Variants in SPOCK1 observed in about 807,000 individuals in gnomAD.
The protein encoded by SPOCK1 is SPARC (osteonectin), cwcv and kazal like domains proteoglycan 1.
Under a neutral mutation model 55.3 loss-of-function variants are expected in SPOCK1, and 23 were observed. The ratio of observed to expected loss-of-function variants is 0.42; its 90% confidence interval spans 0.30 to 0.59. The LOEUF is 0.59. Ranked by LOEUF, SPOCK1 falls within the 20% of genes least tolerant of loss-of-function variation. The probability of loss-of-function intolerance (pLI) is 0.22; values close to 1 mark genes in which losing one functional copy is unlikely to be tolerated. For synonymous variants in SPOCK1, 226 were observed against 221.0 expected, an observed-to-expected ratio of 1.02 and a Z score of -0.20; for missense variants, 499 against 552.5, an observed-to-expected ratio of 0.90 and a Z score of 0.97.
At chr5:136,995,625 T>C (rs1434796953) in intron 6 of SPOCK1, among the ~76,000 whole-genome samples, 1 of 152,254 alleles carries the variant, frequency 6.6e-6, no homozygotes, top group Non-Finnish European at 1.5e-5. Flanking sequence ...AAATGTTCTC[T>C]GAACAGAGAA....
intron 7 of SPOCK1, chr5:136,988,936 A>G (rs1475273404): frequency 4.0e-6 from 1 of 251,196 alleles, no homozygotes; most frequent in African/African-American, 2.2e-5. Context: ...TTTGCTTAAA[A>G]TGGGGTGTGC....
At chr5:137,300,670 A>G (rs1467749273) in intron 2 of SPOCK1, among the ~76,000 whole-genome samples, 1 of 148,172 alleles carries the variant, frequency 6.7e-6, no homozygotes, top group African/African-American at 2.5e-5. Flanking sequence ...AGGGCCGCCA[A>G]TAACTTGGGT....
At chr5:137,415,934 C>T (rs1233158696) in intron 2 of SPOCK1, among the ~76,000 whole-genome samples, 1 of 151,966 alleles carries the variant, frequency 6.6e-6, no homozygotes, top group East Asian at 1.9e-4. Context: ...AAACTGTAAA[C>T]CCACAGATCC....
At chr5:137,295,406 C>T (rs190964727) in intron 2 of SPOCK1, among the ~76,000 whole-genome samples, 44 of 152,306 alleles carry the variant, frequency 2.9e-4, no homozygotes, top group African/African-American at 9.4e-4. Flanking sequence ...CAGCACAGAG[C>T]TAATATTCCC....
intron 2 of SPOCK1, among the ~76,000 whole-genome samples, chr5:137,467,674 C>T (rs550914865): frequency 7.6e-4 from 116 of 152,070 alleles, no homozygotes; most frequent in Non-Finnish European, 1.4e-3. Flanking sequence ...CAGGCTGAGA[C>T]CAAAAGGATG....
chr5:137,197,262 C>T (rs1755319427), intron 3 of SPOCK1, among the ~76,000 whole-genome samples: 3 of 152,120 alleles, frequency 2.0e-5, no homozygotes, highest in Admixed American at 2.0e-4. Flanking sequence ...AAGCTGCTGG[C>T]ACCTGCTTGT....
chr5:137,167,555 C>T (rs1754672883), intron 3 of SPOCK1, among the ~76,000 whole-genome samples: 1 of 151,842 alleles, frequency 6.6e-6, no homozygotes, highest in Non-Finnish European at 1.5e-5. Flanking sequence ...CAAGGATGGA[C>T]CTTTTTTGTT....
intron 6 of SPOCK1, among the ~76,000 whole-genome samples, chr5:137,008,207 G>A (rs530394242): frequency 1.4e-4 from 22 of 151,816 alleles, no homozygotes; most frequent in African/African-American, 4.8e-4. Context: ...GTTGATGGGT[G>A]CAGCAAACCA....
chr5:137,156,190 C>G (rs1318565299), intron 3 of SPOCK1, among the ~76,000 whole-genome samples: 1 of 151,980 alleles, frequency 6.6e-6, no homozygotes, highest in Non-Finnish European at 1.5e-5. Context: ...TGGGGAGGGC[C>G]CATAGCAATA....
chr5:137,175,811 C>T (rs564436107), intron 3 of SPOCK1, among the ~76,000 whole-genome samples: 1 of 152,278 alleles, frequency 6.6e-6, no homozygotes, highest in South Asian at 2.1e-4. Context: ...CACCAATCTC[C>T]ACCACCATCC....
chr5:137,171,732 C>A (rs1580789084), intron 3 of SPOCK1, among the ~76,000 whole-genome samples: 1 of 152,228 alleles, frequency 6.6e-6, no homozygotes, highest in South Asian at 2.1e-4. Flanking sequence ...GTTTTTTGAC[C>A]TGCAGAACTC....
chr5:137,381,912 T>C (rs1751479745), intron 2 of SPOCK1, among the ~76,000 whole-genome samples: 1 of 152,252 alleles, frequency 6.6e-6, no homozygotes. Flanking sequence ...GGGTTTTTTG[T>C]TTCTACCACA....
At chr5:137,368,768 C>G (rs957070891) in intron 2 of SPOCK1, among the ~76,000 whole-genome samples, 1 of 152,214 alleles carries the variant, frequency 6.6e-6, no homozygotes, top group African/African-American at 2.4e-5. Context: ...TCCACATCTC[C>G]CATGTGTCTC....
At position 137,494,704 on chromosome 5, in the gene SPOCK1, T is replaced by C. The variant is rs114462748; in HGVS notation, c.186+3669A>G. On this transcript the variant is annotated intron_variant, in intron 2 of 10. Transcript: ENST00000394945. ...ACAGCATAAGTTAAAGAATTTCCTCTAGCAGACAAGAGGTTACATGAAAGA... is the reference window on the plus strand; with the variant it reads ...ACAGCATAAGTTAAAGAATTTCCTCCAGCAGACAAGAGGTTACATGAAAGA... Among the ~76,000 whole-genome samples the C allele has an allele frequency of 7.9e-3, 1,208 of 152,376 alleles. 13 individuals are homozygous for C. The highest frequency in any genetic ancestry group is 0.027 in the African/African-American group (1,130 of 41,590).
intron 2 of SPOCK1, among the ~76,000 whole-genome samples, chr5:137,311,319 G>A (rs1357754643): frequency 1.3e-5 from 2 of 152,186 alleles, no homozygotes; most frequent in Admixed American, 1.3e-4. Context: ...GGGTGGGAAG[G>A]AGGGTGACTG....
intron 5 of SPOCK1, among the ~76,000 whole-genome samples, chr5:137,089,253 G>A (rs553075759): frequency 1.1e-3 from 163 of 152,188 alleles, no homozygotes; most frequent in African/African-American, 3.7e-3. Context: ...AAAACAAAAC[G>A]ACAACAACAA....
At chr5:137,084,439 T>C (rs1290149182) in intron 5 of SPOCK1, among the ~76,000 whole-genome samples, 1 of 151,948 alleles carries the variant, frequency 6.6e-6, no homozygotes, top group Non-Finnish European at 1.5e-5. Context: ...CCTGCCAGAC[T>C]GAGCTCCAGG....
chr5:137,129,745 T>C (rs1005157876), intron 4 of SPOCK1, among the ~76,000 whole-genome samples: 1 of 152,064 alleles, frequency 6.6e-6, no homozygotes, highest in Non-Finnish European at 1.5e-5. Flanking sequence ...GAGCAATAGA[T>C]AGAATAGGGA....
chr5:137,021,240 T>C (rs1273248261), intron 6 of SPOCK1, among the ~76,000 whole-genome samples: 1 of 152,208 alleles, frequency 6.6e-6, no homozygotes, highest in Non-Finnish European at 1.5e-5. Context: ...GCAGCATAGA[T>C]AAATTTTGGG....
Sources: gnomAD v4.1 joint callset for allele counts (sites outside exome capture counted in the v4.1 genomes callset) on GRCh38, gnomAD v4.1.1 for gene constraint, MANE v1.5 for transcripts, NCBI Gene and HGNC (gene_info 2026-07-23, HGNC 2026-07-21) for gene names.